SKI: variants seen among roughly 807,000 people sequenced by gnomAD.
SKI encodes SKI proto-oncogene, also known as ski oncogene.
Under a neutral mutation model 59.3 loss-of-function variants are expected in SKI, and 23 were observed. That is an observed-to-expected ratio of 0.39 (90% CI 0.28 to 0.55). The LOEUF is 0.55. SKI is among the 20% of genes least tolerant of loss of function. SKI has a pLI of 0.67. For missense variants in SKI, 1,017 were observed against 1,038.9 expected (o/e 0.98, Z 0.29); for synonymous variants, 673 against 488.6 (o/e 1.38, Z -4.98).
rs1639565425 is a variant in SKI at position 2,269,283 on chromosome 1, G to A, written c.970-33695G>A. 6.6e-6 allele frequency among the ~76,000 whole-genome samples: 1 copy of A among 152,244 alleles called. No individual in the cohort carries two copies. Among genetic ancestry groups the A allele is most frequent in the Admixed American group, 6.5e-5 (1 of 15,288 alleles). ...CTCGATGCAGATCCAGCCCTGGGAAGAAAGCACCGCTGGCCATGACTGGGC... is the reference window on the plus strand; with the variant it reads ...CTCGATGCAGATCCAGCCCTGGGAAAAAAGCACCGCTGGCCATGACTGGGC... On this transcript the variant is annotated intron_variant, in intron 1 of 6. Transcript: ENST00000378536. The surrounding 1 kb of genome is among the most constrained non-coding windows in gnomAD (Gnocchi z 4.7).
chr1:2,282,613 G>A (rs569731450), intron 1 of SKI, among the ~76,000 whole-genome samples: 17 of 152,054 alleles, frequency 1.1e-4, no homozygotes, highest in Middle Eastern at 3.2e-3. Flanking sequence ...CAGGGCCTCC[G>A]AACCCATGGA....
Position 2,307,973 on chromosome 1 carries a change from T to G in SKI, c.*1208T>G, listed in dbSNP as rs556215628. On this transcript the variant is annotated 3_prime_UTR_variant, in exon 7 of 7. Transcript: ENST00000378536. ...CTCGTGTCTTTTTACCCCCAAGATA[T>G]CTGTCTTCAGTAGCGACTGAATCTG... 1 of 152,628 alleles carries G rather than the reference T, an allele frequency of 6.6e-6. No homozygotes were observed. The highest frequency in any genetic ancestry group is 2.4e-5 in the African/African-American group (1 of 41,580). The allele number at this position is 152,628 out of a possible 1,614,324, so 9.5% of individuals were successfully genotyped here.
At position 2,278,952 on chromosome 1, in the gene SKI, C is replaced by T. The variant is rs1356756142; in HGVS notation, c.970-24026C>T. Among the ~76,000 whole-genome samples, 3 of 152,208 alleles carry T rather than the reference C, an allele frequency of 2.0e-5. No individual in the cohort carries two copies. In the East Asian group the frequency reaches 5.8e-4, roughly 29 times the overall value. On this transcript the variant is annotated intron_variant, in intron 1 of 6. Transcript: ENST00000378536. ...CCATGGTGCTGGGATGCTGCCGCCT[C>T]CTGGACCCTGGCGTTGAAGTGCCAC...
At chr1:2,273,750 C>T (rs145495666) in intron 1 of SKI, among the ~76,000 whole-genome samples, 6 of 152,344 alleles carry the variant, frequency 3.9e-5, no homozygotes, top group East Asian at 1.9e-4. Flanking sequence ...TGCAGGACCT[C>T]GAAGATGCCC....
chr1:2,256,959 C>T (rs1348934281), intron 1 of SKI, among the ~76,000 whole-genome samples: 1 of 152,202 alleles, frequency 6.6e-6, no homozygotes, highest in African/African-American at 2.4e-5. Flanking sequence ...TCGGTGCTCC[C>T]TAGGGCTGGA....
At chr1:2,237,117 C>G (rs1188375024) in intron 1 of SKI, among the ~76,000 whole-genome samples, 1 of 152,210 alleles carries the variant, frequency 6.6e-6, no homozygotes, top group Non-Finnish European at 1.5e-5. Context: ...GACCTGACCC[C>G]TGAGCTGCGT....
chr1:2,283,126 C>G (rs1486947776), intron 1 of SKI, among the ~76,000 whole-genome samples: 1 of 152,222 alleles, frequency 6.6e-6, no homozygotes, highest in Non-Finnish European at 1.5e-5. Context: ...CCCGGCCCAA[C>G]CGCCTTTGTC....
intron 1 of SKI, among the ~76,000 whole-genome samples, chr1:2,246,743 TG>T (rs566496849): frequency 1.3e-3 from 197 of 152,120 alleles, no homozygotes; most frequent in African/African-American, 4.6e-3. Flanking sequence ...TGAGTGCCAT[TG>T]GGGGAGGGAG....
chr1:2,290,170 G>T (rs1640130686), intron 1 of SKI, among the ~76,000 whole-genome samples: 2 of 152,050 alleles, frequency 1.3e-5, no homozygotes, highest in African/African-American at 4.8e-5. Flanking sequence ...AAGAGATCAG[G>T]CAGGGCAGCC....
In SKI at chr1:2,303,491, G is replaced by C; in HGVS notation, c.1211+91G>C. 1.6e-6 allele frequency: 2 copies of C among 1,225,810 alleles called. No individual in the cohort carries two copies. The highest frequency in any genetic ancestry group is 2.4e-6 in the Non-Finnish European group (2 of 850,698). The allele number at this position is 1,225,810 out of a possible 1,614,324, so 75.9% of individuals were successfully genotyped here. A position where few individuals can be genotyped will look rare whatever the true frequency, so the allele number is the denominator to read the frequency against. ...GACGCGCCCATGTTTCTGCAGGCTG[G>C]GTGCCCAGACCTGCCGCCTTTTGGT... On this transcript the variant is annotated intron_variant, in intron 3 of 6. Transcript: ENST00000378536. This position sits in a 1 kb window ranked among gnomAD's most constrained non-coding sequence, Gnocchi z 5.6.
chr1:2,230,089 G>C (rs1311216568), intron 1 of SKI, among the ~76,000 whole-genome samples: 3 of 152,214 alleles, frequency 2.0e-5, no homozygotes, highest in African/African-American at 4.8e-5. Context: ...GGTCAGGGAA[G>C]TTAGGTCCAG....
intron 1 of SKI, among the ~76,000 whole-genome samples, chr1:2,284,419 G>T (rs1055854932): frequency 6.6e-6 from 1 of 152,226 alleles, no homozygotes; most frequent in East Asian, 1.9e-4. Context: ...TTTTGTAACA[G>T]TTATCTCATG....
At chr1:2,289,420 C>G (rs1265719442) in intron 1 of SKI, among the ~76,000 whole-genome samples, 1 of 151,602 alleles carries the variant, frequency 6.6e-6, no homozygotes, top group Non-Finnish European at 1.5e-5. Context: ...GGCCCCTCCT[C>G]TAAGATCAAA....
chr1:2,239,406 G>A (rs1028153673), intron 1 of SKI, among the ~76,000 whole-genome samples: 6 of 152,146 alleles, frequency 3.9e-5, no homozygotes, highest in Admixed American at 1.3e-4. Flanking sequence ...GTCAAGCCGG[G>A]CTCGATGTCT....
intron 1 of SKI, among the ~76,000 whole-genome samples, chr1:2,293,700 C>T (rs369482619): frequency 1.3e-5 from 2 of 152,166 alleles, no homozygotes; most frequent in African/African-American, 4.8e-5. Flanking sequence ...TTGGGCACTG[C>T]GTTGTGTTCT....
chr1:2,256,138 C>G (rs141925403), intron 1 of SKI, among the ~76,000 whole-genome samples: 5 of 151,912 alleles, frequency 3.3e-5, no homozygotes, highest in African/African-American at 9.7e-5. Flanking sequence ...CTTTTCCAGT[C>G]TGTGCCACTC....
intron 1 of SKI, among the ~76,000 whole-genome samples, chr1:2,283,560 A>G (rs1639963530): frequency 6.6e-6 from 1 of 152,160 alleles, no homozygotes; most frequent in South Asian, 2.1e-4. Flanking sequence ...CCCTGCTCAG[A>G]TGTTGTACTG....
chr1:2,241,814 C>G (rs1294442031), intron 1 of SKI, among the ~76,000 whole-genome samples: 3 of 152,230 alleles, frequency 2.0e-5, no homozygotes. Context: ...ATTACCTTGC[C>G]TAACAAAGCT....
At chr1:2,237,341 T>C (rs889237822) in intron 1 of SKI, among the ~76,000 whole-genome samples, 1 of 152,222 alleles carries the variant, frequency 6.6e-6, no homozygotes, top group African/African-American at 2.4e-5. Context: ...CCTGCGGTGC[T>C]CCTGGCTGCT....
Sources: gnomAD v4.1 joint callset for allele counts (sites outside exome capture counted in the v4.1 genomes callset) on GRCh38, gnomAD v4.1.1 for gene constraint, Gnocchi (gnomAD v3.1) non-coding constraint, MANE v1.5 for transcripts, NCBI Gene and HGNC (gene_info 2026-07-23, HGNC 2026-07-21) for gene names.